Variants in ZFHX3 observed in about 807,000 individuals in gnomAD.
ZFHX3 encodes the protein zinc finger homeobox protein 3.
Under a neutral mutation model 279.1 loss-of-function variants are expected in ZFHX3, and 42 were observed. That is an observed-to-expected ratio of 0.15 (90% CI 0.12 to 0.19). The LOEUF (loss-of-function observed/expected upper bound fraction) is 0.19. ZFHX3 is among the 10% of genes least tolerant of loss of function. The probability of loss-of-function intolerance (pLI) is 1.00; values close to 1 mark genes in which losing one functional copy is unlikely to be tolerated. For missense variants in ZFHX3, 4,981 were observed against 4,754.0 expected (o/e 1.05, Z -1.40); for synonymous variants, 2,293 against 1,957.8 (o/e 1.17, Z -4.52).
chr16:73,063,821 G>A (rs1254812604), upstream of ZFHX3, among the ~76,000 whole-genome samples: 1 of 152,114 alleles, frequency 6.6e-6, no homozygotes, highest in South Asian at 2.1e-4. Context: ...GAATACTTTG[G>A]TCAAAATAAA....
chr16:73,622,209 A>T (rs1479779088), intron 2 of ZFHX3, among the ~76,000 whole-genome samples: 1 of 152,204 alleles, frequency 6.6e-6, no homozygotes, highest in Non-Finnish European at 1.5e-5. Flanking sequence ...GTTTAGCCAC[A>T]GATCCAGGTT....
At chr16:73,682,950 G>GAAAAAGAAAGAAAGAAAGAAAGA (rs367768557) in intron 1 of ZFHX3, among the ~76,000 whole-genome samples, 1 of 19,048 alleles carries the variant, frequency 5.2e-5, no homozygotes, top group African/African-American at 1.7e-4. Context: ...AAGAAAGAAA[G>GAAAAAGAAAGAAAGAAAGAAAGA]AAAGAAAGAA....
At chr16:72,860,077 C>A (rs942661314) in intron 4 of ZFHX3, among the ~76,000 whole-genome samples, 1 of 152,174 alleles carries the variant, frequency 6.6e-6, no homozygotes, top group African/African-American at 2.4e-5. Flanking sequence ...CTGGGAAGTA[C>A]AACACTCCCT....
At chr16:72,919,777 CTT>C (rs532405250) in intron 3 of ZFHX3, among the ~76,000 whole-genome samples, 243 of 42,182 alleles carry the variant, frequency 5.8e-3, no homozygotes, top group Non-Finnish European at 7.1e-3. Flanking sequence ...TATGCACCAT[CTT>C]TTTTTTTTTT....
chr16:73,220,497 G>A (rs1260218047), intron 5 of ZFHX3, among the ~76,000 whole-genome samples: 1 of 152,104 alleles, frequency 6.6e-6, no homozygotes, highest in African/African-American at 2.4e-5. Context: ...TTAAATAGAT[G>A]CAGTTTACAG....
chr16:73,124,648 T>G (rs1055076391), intron 7 of ZFHX3, among the ~76,000 whole-genome samples: 10 of 152,176 alleles, frequency 6.6e-5, no homozygotes, highest in Non-Finnish European at 1.0e-4. Flanking sequence ...ACATCTGTAT[T>G]AGGATAACTT....
chr16:73,861,934 C>T lies in ZFHX3; in HGVS notation c.-1608+29717G>A, dbSNP rs539429739. The stretch of plus-strand genomic sequence containing the variant: ...TGTGTCATTTGTTTTGTCGAGAGGA[C>T]TTCTGCAGTCGTCACATCTCAAAAT... On this transcript the variant is annotated intron_variant, in intron 1 of 17. Coordinates refer to the ZFHX3 transcript ENST00000641206. Among the ~76,000 whole-genome samples, 3 of 152,328 alleles carry T rather than the reference C, an allele frequency of 2.0e-5. No individual in the cohort carries two copies. The South Asian group carries it at 6.2e-4, about 32-fold the overall frequency.
chr16:72,880,371 G>T (rs1290388570), intron 4 of ZFHX3, among the ~76,000 whole-genome samples: 2 of 152,162 alleles, frequency 1.3e-5, no homozygotes, highest in Non-Finnish European at 2.9e-5. Context: ...TTTTAAGGAG[G>T]TGATTAGGTT....
intron 1 of ZFHX3, among the ~76,000 whole-genome samples, chr16:73,032,517 A>C (rs1313871067): frequency 6.6e-6 from 1 of 152,164 alleles, no homozygotes; most frequent in Non-Finnish European, 1.5e-5. Flanking sequence ...CGCATGCGAC[A>C]AAGTAACAGG....
At chr16:72,875,391 G>A (rs2038283211) in intron 4 of ZFHX3, among the ~76,000 whole-genome samples, 1 of 152,210 alleles carries the variant, frequency 6.6e-6, no homozygotes, top group African/African-American at 2.4e-5. Context: ...AGCTCCTCTT[G>A]GAAGCCCTCT....
Position 72,794,009 on chromosome 16 carries a change from T to C in ZFHX3, c.8673A>G (p.Ser2891=), listed in dbSNP as rs756191043. 2 of 1,614,230 alleles carry C rather than the reference T, an allele frequency of 1.2e-6. No homozygotes were observed. The highest frequency in any genetic ancestry group is 1.7e-6 in the Non-Finnish European group (2 of 1,180,040). The change falls in exon 9 of 10, where the codon TCA becomes TCG. Residue 2891 remains serine, a synonymous_variant. Coordinates refer to ENST00000268489, the MANE Select transcript of ZFHX3 (RefSeq NM_006885.4). The surrounding 1 kb of genome is among the most constrained non-coding windows in gnomAD (Gnocchi z 4.2). The stretch of plus-strand genomic sequence containing the variant: ...TCGGGGCCGGGCTGACCAGACCAGA[T>C]GACAACCGATCTTCATACTCAGACA... ...MAMSEYEDRL[S]SGLVSPAPSF...
At chr16:73,057,473 G>A (rs1455088679) in intron 1 of ZFHX3, among the ~76,000 whole-genome samples, 1 of 151,122 alleles carries the variant, frequency 6.6e-6, no homozygotes, top group Non-Finnish European at 1.5e-5. Context: ...TTTGCATCGA[G>A]TGGAGCCGGG....
chr16:72,817,891 C>T (rs903327636), intron 5 of ZFHX3, among the ~76,000 whole-genome samples: 1 of 152,134 alleles, frequency 6.6e-6, no homozygotes, highest in African/African-American at 2.4e-5. Context: ...TAAAAAGTAC[C>T]ACTGACAGCC....
intron 2 of ZFHX3, among the ~76,000 whole-genome samples, chr16:73,564,362 C>A (rs2020420402): frequency 6.6e-6 from 1 of 152,190 alleles, no homozygotes; most frequent in South Asian, 2.1e-4. Context: ...GGTTTACATC[C>A]CAGTTCTCAT....
At chr16:73,461,852 T>C (rs942692627) in intron 2 of ZFHX3, among the ~76,000 whole-genome samples, 1 of 152,222 alleles carries the variant, frequency 6.6e-6, no homozygotes, top group Non-Finnish European at 1.5e-5. Context: ...TTAGCTATTC[T>C]TGTTCCTCTG....
intron 1 of ZFHX3, among the ~76,000 whole-genome samples, chr16:73,690,197 G>T (rs182503417): frequency 8.5e-5 from 13 of 152,154 alleles, no homozygotes; most frequent in Admixed American, 5.9e-4. Flanking sequence ...GATTACACGT[G>T]GACATACACT....
At chr16:73,521,352 G>C (rs1450588561) in intron 2 of ZFHX3, among the ~76,000 whole-genome samples, 1 of 152,188 alleles carries the variant, frequency 6.6e-6, no homozygotes, top group Non-Finnish European at 1.5e-5. Context: ...AGGAATATGA[G>C]CTGCCATTGA....
intron 3 of ZFHX3, among the ~76,000 whole-genome samples, chr16:72,930,716 C>G (rs1211219631): frequency 1.3e-5 from 2 of 152,144 alleles, no homozygotes; most frequent in African/African-American, 4.8e-5. Context: ...ATAAAACCTA[C>G]TACGGAAGAA....
intron 1 of ZFHX3, among the ~76,000 whole-genome samples, chr16:73,814,843 C>T (rs1015446997): frequency 2.6e-5 from 4 of 152,236 alleles, no homozygotes; most frequent in South Asian, 4.1e-4. Context: ...GCTGGGATTA[C>T]AGGAGTGAGC....
Sources: gnomAD v4.1 joint callset for allele counts (sites outside exome capture counted in the v4.1 genomes callset) on GRCh38, gnomAD v4.1.1 for gene constraint, Gnocchi (gnomAD v3.1) non-coding constraint, MANE v1.5 for transcripts, NCBI Gene and HGNC (gene_info 2026-07-23, HGNC 2026-07-21) for gene names.